ATL1: variants seen among roughly 807,000 people sequenced by gnomAD.
The protein encoded by ATL1 is atlastin-1.
Under a neutral mutation model 75.5 loss-of-function variants are expected in ATL1, and 31 were observed. The ratio of observed to expected loss-of-function variants is 0.41; its 90% confidence interval spans 0.31 to 0.55. ATL1 has a LOEUF of 0.55. Among genes scored for constraint, ATL1 ranks in the 20% least tolerant of loss-of-function variants. ATL1 has a pLI of 0.27. For missense variants in ATL1, 405 were observed against 662.6 expected (o/e 0.61, Z 4.27); for synonymous variants, 226 against 233.3 (o/e 0.97, Z 0.28).
upstream of ATL1, among the ~76,000 whole-genome samples, chr14:50,557,474 C>A (rs945063386): frequency 1.1e-4 from 16 of 152,156 alleles, no homozygotes; most frequent in Non-Finnish European, 8.8e-5. Context: ...CCTCATTTAA[C>A]ATTGTATTCT....
intron 7 of ATL1, among the ~76,000 whole-genome samples, 179 bp from the exon 8 acceptor site, chr14:50,614,194 T>C (rs2039392948): frequency 6.6e-6 from 1 of 152,232 alleles, no homozygotes; most frequent in Admixed American, 6.5e-5. Context: ...TTTCTATACT[T>C]AGACACGGCT....
chr14:50,628,132 G>A lies in ATL1; in HGVS notation c.1221G>A (p.Lys407=), dbSNP rs763373694. Residue 407 remains lysine (K), a synonymous_variant, in exon 12 of 14, where the codon AAG becomes AAA. Transcript: ENST00000358385. ...ESVKLFRGVK[K]MGGEEFSRRY... is the part of the protein sequence containing the mutation. ...TGAAGCTATTCCGAGGGGTGAAGAAGATGGGTGGGGAAGAATTTAGCCGGC... is the reference window on the plus strand; with the variant it reads ...TGAAGCTATTCCGAGGGGTGAAGAAAATGGGTGGGGAAGAATTTAGCCGGC... The A allele has an allele frequency of 6.2e-7, 1 of 1,614,218 alleles. No individual in the cohort carries two copies. The highest frequency in any genetic ancestry group is 1.3e-5 in the African/African-American group (1 of 75,068).
chr14:50,591,527 G>C lies in ATL1; in HGVS notation c.418-8G>C. On this transcript the variant is annotated splice_polypyrimidine_tract_variant and splice_region_variant and intron_variant, in intron 3 of 13. Coordinates refer to ENST00000358385, the MANE Select transcript of ATL1 (RefSeq NM_015915.5). ...AAAATATCAATAATGTACTCTTCTTGCCTGTAGGTTGCAGTGTTATTGATG... is the reference window on the plus strand; with the variant it reads ...AAAATATCAATAATGTACTCTTCTTCCCTGTAGGTTGCAGTGTTATTGATG... 1 of 1,587,412 alleles carries C rather than the reference G, an allele frequency of 6.3e-7. No individual in the cohort carries two copies. The highest frequency in any genetic ancestry group is 8.7e-7 in the Non-Finnish European group (1 of 1,156,058).
intron 1 of ATL1, among the ~76,000 whole-genome samples, chr14:50,584,475 G>A (rs1305802467): frequency 2.0e-5 from 3 of 152,076 alleles, no homozygotes; most frequent in Non-Finnish European, 4.4e-5. Flanking sequence ...AGGCCGAGGC[G>A]GGCAGATCAC....
intron 1 of ATL1, among the ~76,000 whole-genome samples, chr14:50,582,410 CT>C (rs758570255): frequency 8.5e-4 from 122 of 143,508 alleles, no homozygotes; most frequent in East Asian, 1.2e-3. Context: ...AAACTTTTCT[CT>C]TTTTTTTTTT....
chr14:50,553,024 G>T (rs544249562), intron 1 of ATL1, among the ~76,000 whole-genome samples: 13 of 152,284 alleles, frequency 8.5e-5, no homozygotes, highest in African/African-American at 2.6e-4. Flanking sequence ...GCCAGGCATG[G>T]TGGCTCACGC....
At chr14:50,615,067 A>G (rs2039402079) in intron 8 of ATL1, among the ~76,000 whole-genome samples, 1 of 152,226 alleles carries the variant, frequency 6.6e-6, no homozygotes, top group Admixed American at 6.5e-5. Context: ...TGTCTTTAAT[A>G]GAGGACTGAT....
At chr14:50,590,636 G>A (rs1022277891) in intron 2 of ATL1, among the ~76,000 whole-genome samples, 1 of 151,920 alleles carries the variant, frequency 6.6e-6, no homozygotes, top group African/African-American at 2.4e-5. Flanking sequence ...TTCCATTTTG[G>A]CATGCATTTA....
intron 1 of ATL1, among the ~76,000 whole-genome samples, chr14:50,574,937 G>GTGTGTATATATATATATATA (rs1475087119): frequency 4.3e-5 from 1 of 23,156 alleles, no homozygotes; most frequent in African/African-American, 1.9e-4. Flanking sequence ...GTGTGTGTGT[G>GTGTGTATATATATATATATA]TATATATATA....
chr14:50,583,480 C>G (rs1208464393), intron 1 of ATL1, among the ~76,000 whole-genome samples: 4 of 152,094 alleles, frequency 2.6e-5, no homozygotes. Context: ...TAGTTAGCAA[C>G]AAAAACTACA....
At chr14:50,533,202 G>C (rs1213946958) in exon 1 of ATL1, 1 of 152,248 alleles carries the variant, frequency 6.6e-6, no homozygotes, top group Admixed American at 6.5e-5. Context: ...GGCACACGCA[G>C]TGTCTCATCG....
At chr14:50,573,136 T>C (rs2038969689) in intron 1 of ATL1, among the ~76,000 whole-genome samples, 1 of 152,148 alleles carries the variant, frequency 6.6e-6, no homozygotes, top group East Asian at 1.9e-4. Context: ...ATATGGAAAT[T>C]ACAATTCGGA....
intron 1 of ATL1, among the ~76,000 whole-genome samples, chr14:50,553,898 C>T (rs1332797838): frequency 6.6e-6 from 1 of 152,016 alleles, no homozygotes; most frequent in Non-Finnish European, 1.5e-5. Context: ...GAGAGTTAAG[C>T]TATGAGGATG....
At chr14:50,618,220 C>T (rs992177374) in intron 8 of ATL1, among the ~76,000 whole-genome samples, 3 of 152,010 alleles carry the variant, frequency 2.0e-5, no homozygotes, top group African/African-American at 7.3e-5. Context: ...TAATATTCTA[C>T]TAAAGATGAA....
At chr14:50,596,227 G>A (rs1056709911) in intron 6 of ATL1, among the ~76,000 whole-genome samples, 4 of 152,038 alleles carry the variant, frequency 2.6e-5, no homozygotes, top group Admixed American at 6.5e-5. Context: ...CCAGCTACTC[G>A]GATAGCTGTG....
intron 1 of ATL1, among the ~76,000 whole-genome samples, chr14:50,578,151 G>A (rs2039023728): frequency 6.6e-6 from 1 of 151,998 alleles, no homozygotes; most frequent in South Asian, 2.1e-4. Context: ...TATTTAATAT[G>A]GTATTTTGCT....
intron 1 of ATL1, among the ~76,000 whole-genome samples, chr14:50,573,275 ATACT>A (rs2038971215): frequency 6.6e-6 from 1 of 152,180 alleles, no homozygotes; most frequent in Admixed American, 6.5e-5. Context: ...TCTTGATTTC[ATACT>A]TAATTTTGTT....
intron 8 of ATL1, among the ~76,000 whole-genome samples, chr14:50,619,626 C>T (rs2039448021): frequency 6.6e-6 from 1 of 152,194 alleles, no homozygotes; most frequent in Admixed American, 6.5e-5. Context: ...TAACCTACTG[C>T]TACAGCTTGG....
intron 1 of ATL1, among the ~76,000 whole-genome samples, chr14:50,541,850 A>G (rs2038564941): frequency 6.6e-6 from 1 of 151,702 alleles, no homozygotes; most frequent in Admixed American, 6.6e-5. Context: ...CTCTAAAAAT[A>G]CAAAAAATTA....
Sources: allele counts gnomAD v4.1 joint callset (sites outside exome capture counted in the v4.1 genomes callset), GRCh38; gene constraint gnomAD v4.1.1; transcripts MANE v1.5; gene names NCBI Gene and HGNC (gene_info 2026-07-23, HGNC 2026-07-21).